RBM20: variants seen among roughly 807,000 people sequenced by gnomAD.
RBM20 encodes the protein RNA binding motif protein 20.
Under a neutral mutation model 110.1 loss-of-function variants are expected in RBM20, and 51 were observed. The observed-to-expected ratio is 0.46, with a 90% CI of 0.37 to 0.59. RBM20 has a LOEUF of 0.59. Among genes scored for constraint, RBM20 ranks in the 20% least tolerant of loss-of-function variants. The pLI, the probability that RBM20 is intolerant of heterozygous loss-of-function variation, is 0.00. For synonymous variants in RBM20, 589 were observed against 618.2 expected (o/e 0.95, Z 0.70); for missense variants, 1,512 against 1,574.9 (o/e 0.96, Z 0.68).
chr10:110,706,305 C>T (rs1179310536), intron 1 of RBM20, among the ~76,000 whole-genome samples: 2 of 152,178 alleles, frequency 1.3e-5, no homozygotes, highest in Admixed American at 6.5e-5. Flanking sequence ...ATATGATCCA[C>T]ACAAAGTGTC....
At chr10:110,747,797 CT>C (rs1564833709) in intron 1 of RBM20, among the ~76,000 whole-genome samples, 1 of 150,852 alleles carries the variant, frequency 6.6e-6, no homozygotes, top group African/African-American at 2.4e-5. Flanking sequence ...AAGAGAAAGC[CT>C]TTTAGAAAGT....
intron 1 of RBM20, among the ~76,000 whole-genome samples, chr10:110,651,114 G>T (rs1861940327): frequency 6.6e-6 from 1 of 152,166 alleles, no homozygotes; most frequent in South Asian, 2.1e-4. Flanking sequence ...TTTCTTCCAA[G>T]AATAAAATTA....
chr10:110,814,645 G>A (rs755156567), intron 9 of RBM20, among the ~76,000 whole-genome samples: 2 of 152,046 alleles, frequency 1.3e-5, no homozygotes, highest in Admixed American at 6.6e-5. Flanking sequence ...ACAGGAGTGC[G>A]CCACCACGCC....
intron 1 of RBM20, among the ~76,000 whole-genome samples, chr10:110,741,014 A>G (rs1319063055): frequency 6.6e-6 from 1 of 152,076 alleles, no homozygotes; most frequent in East Asian, 1.9e-4. Context: ...ATTGGGTGGC[A>G]TTCACCTGGG....
chr10:110,812,270 C>T lies in RBM20; in HGVS notation c.1881-8C>T, dbSNP rs1224993277. 1 of 1,535,868 alleles carries T rather than the reference C, an allele frequency of 6.5e-7. No homozygotes were observed. Among genetic ancestry groups the T allele is most frequent in the Non-Finnish European group, 8.8e-7 (1 of 1,138,192 alleles). On this transcript the variant is annotated splice_region_variant and splice_polypyrimidine_tract_variant and intron_variant, in intron 8 of 13. Transcript: ENST00000369519. ...GATTCTAAATCCTGCTCCTTGGCTC[C>T]CTCACAGATATGGCCCAGAAAGGCC...
At chr10:110,805,978 A>G (rs750749395) in intron 7 of RBM20, among the ~76,000 whole-genome samples, 15 of 152,234 alleles carry the variant, frequency 9.9e-5, no homozygotes, top group Admixed American at 2.6e-4. Flanking sequence ...ACTGCTTTAA[A>G]GAACTGCCTG....
At chr10:110,787,279 C>A (rs1844430255) in intron 5 of RBM20, among the ~76,000 whole-genome samples, 1 of 152,242 alleles carries the variant, frequency 6.6e-6, no homozygotes, top group African/African-American at 2.4e-5. Context: ...TGGCCAGCGC[C>A]AGACAGTGGG....
chr10:110,801,423 G>A (rs1422120852), intron 7 of RBM20, among the ~76,000 whole-genome samples: 8 of 139,432 alleles, frequency 5.7e-5, no homozygotes, highest in Middle Eastern at 3.6e-3. Context: ...GTGAAACTCC[G>A]TCTCAAAAAA....
intron 1 of RBM20, among the ~76,000 whole-genome samples, chr10:110,650,554 A>T (rs1455372205): frequency 1.3e-5 from 2 of 152,156 alleles, no homozygotes; most frequent in African/African-American, 4.8e-5. Flanking sequence ...GATAGTTTCC[A>T]CGCCAATTTT....
At chr10:110,643,355 A>T (rs1191330744), upstream of RBM20, among the ~76,000 whole-genome samples, 1 of 152,218 alleles carries the variant, frequency 6.6e-6, no homozygotes. Flanking sequence ...ATTCGCACCC[A>T]CGCGCCAGGG....
chr10:110,656,476 G>GTT (rs1862028229), intron 1 of RBM20, among the ~76,000 whole-genome samples: 1 of 152,012 alleles, frequency 6.6e-6, no homozygotes, highest in African/African-American at 2.4e-5. Context: ...ATGTGTGTGT[G>GTT]TGTGTGTGTG....
intron 1 of RBM20, among the ~76,000 whole-genome samples, chr10:110,754,845 C>T (rs1843901995): frequency 6.6e-6 from 1 of 152,194 alleles, no homozygotes; most frequent in Admixed American, 6.5e-5. Context: ...TGCTGGTTCT[C>T]ACTCATGTTG....
At chr10:110,811,359 G>A (rs1176441684) in intron 8 of RBM20, among the ~76,000 whole-genome samples, 1 of 152,220 alleles carries the variant, frequency 6.6e-6, no homozygotes, top group Non-Finnish European at 1.5e-5. Context: ...CAGTTGACCT[G>A]CTTAATAACC....
chr10:110,778,664 T>C (rs1288775230), intron 1 of RBM20, among the ~76,000 whole-genome samples: 2 of 152,258 alleles, frequency 1.3e-5, no homozygotes, highest in Non-Finnish European at 2.9e-5. Context: ...CCCATTCAAA[T>C]GTCCCAGAAT....
intron 8 of RBM20, among the ~76,000 whole-genome samples, chr10:110,811,909 C>T (rs191785013): frequency 1.3e-5 from 2 of 152,262 alleles, no homozygotes; most frequent in Admixed American, 6.5e-5. Context: ...TGCCCCCCAG[C>T]GCCCACCCCG....
intron 1 of RBM20, among the ~76,000 whole-genome samples, chr10:110,685,299 G>C (rs934126383): frequency 2.6e-5 from 4 of 152,178 alleles, no homozygotes; most frequent in African/African-American, 9.6e-5. Context: ...TCTGAGATAA[G>C]AGTGGAAAAG....
rs192469911 is a variant in RBM20, at chr10:110,677,173, C to T, written c.191+32528C>T. 3.9e-5 allele frequency among the ~76,000 whole-genome samples: 6 copies of T among 152,254 alleles called. No individual in the cohort carries two copies. In the East Asian group the frequency reaches 1.2e-3, roughly 29 times the overall value. ...TGGTGGAGGAGGCTAAGCGTGCTAG[C>T]TCAGGCCTCTCTCCTCTTATAAAGC... On this transcript the variant is annotated intron_variant, in intron 1 of 13. Transcript: ENST00000369519.
chr10:110,717,329 C>T (rs1270496809), intron 1 of RBM20, among the ~76,000 whole-genome samples: 1 of 152,174 alleles, frequency 6.6e-6, no homozygotes, highest in East Asian at 1.9e-4. Context: ...CATAAATATT[C>T]TACTGCCCTC....
At position 110,812,735 on chromosome 10, in the gene RBM20, G is replaced by C. The variant is rs750988872; in HGVS notation, c.2338G>C (p.Gly780Arg). ...KYLKQQQDAP[G>R]RSRRKDEARL... Reference sequence around the variant, plus strand: ...TCTGAAGCAGCAGCAGGATGCCCCCGGGAGGTCCAGGAGGAAAGACGAGGC... The same window carrying C: ...TCTGAAGCAGCAGCAGGATGCCCCCCGGAGGTCCAGGAGGAAAGACGAGGC... The change falls in exon 9 of 14, where the codon GGG (glycine) becomes CGG (arginine). Residue 780 changes from glycine (G) to arginine (R), a missense_variant. Physicochemically the swap from Gly to Arg is moderately radical, Grantham distance 125 (BLOSUM62 -2). Coordinates refer to ENST00000369519, the MANE Select transcript of RBM20 (RefSeq NM_001134363.3). The C allele has an allele frequency of 6.4e-7, 1 of 1,551,738 alleles. No homozygotes were observed. The highest frequency in any genetic ancestry group is 8.7e-7 in the Non-Finnish European group (1 of 1,146,998).
Sources: gnomAD v4.1 joint callset for allele counts (sites outside exome capture counted in the v4.1 genomes callset) on GRCh38, gnomAD v4.1.1 for gene constraint, MANE v1.5 for transcripts, NCBI Gene and HGNC (gene_info 2026-07-23, HGNC 2026-07-21) for gene names.